GAN: variants seen among roughly 807,000 people sequenced by gnomAD.
The protein encoded by GAN is gigaxonin, also known as epididymis secretory sperm binding protein.
GAN carries 48 observed loss-of-function variants against 71.3 expected under a neutral mutation model. That is an observed-to-expected ratio of 0.67 (90% confidence interval 0.53 to 0.86). GAN has a LOEUF of 0.86. GAN is among the 40% of genes least tolerant of loss of function. GAN has a pLI of 0.00. For synonymous variants in GAN, 386 were observed against 276.8 expected, an observed-to-expected ratio of 1.39 and a Z score of -3.92; for missense variants, 928 against 770.1, an observed-to-expected ratio of 1.21 and a Z score of -2.43.
chr16:81,346,969 G>A (rs1016547750), intron 1 of GAN, among the ~76,000 whole-genome samples: 1 of 152,192 alleles, frequency 6.6e-6, no homozygotes, highest in Non-Finnish European at 1.5e-5. Flanking sequence ...AAGCAAAAAA[G>A]GGTGAATTTG....
At chr16:81,340,858 A>G (rs1254049734) in intron 1 of GAN, among the ~76,000 whole-genome samples, 1 of 152,106 alleles carries the variant, frequency 6.6e-6, no homozygotes, top group African/African-American at 2.4e-5. Context: ...CTAAAGGAGC[A>G]TGTTTTAACC....
At chr16:81,352,376 C>T (rs79955777) in intron 2 of GAN, among the ~76,000 whole-genome samples, 3 of 152,280 alleles carry the variant, frequency 2.0e-5, no homozygotes, top group African/African-American at 4.8e-5. Flanking sequence ...TTCCCCATGA[C>T]GTGATTTCAA....
intron 2 of GAN, among the ~76,000 whole-genome samples, chr16:81,353,830 AAGT>A (rs1203670823): frequency 1.3e-5 from 2 of 152,288 alleles, no homozygotes; most frequent in African/African-American, 4.8e-5. Context: ...TTATTCCAAA[AAGT>A]AGTTTTGAGA....
At chr16:81,328,293 A>G (rs1191579462) in intron 1 of GAN, among the ~76,000 whole-genome samples, 2 of 152,212 alleles carry the variant, frequency 1.3e-5, no homozygotes, top group Non-Finnish European at 2.9e-5. Context: ...TTTACCTGTT[A>G]TTTACAGTTC....
At chr16:81,345,254 T>C (rs1400084746) in intron 1 of GAN, among the ~76,000 whole-genome samples, 1 of 152,202 alleles carries the variant, frequency 6.6e-6, no homozygotes, top group Non-Finnish European at 1.5e-5. Flanking sequence ...TTACTGGGCG[T>C]ATACCCAAAG....
chr16:81,339,078 G>A lies in GAN; in HGVS notation c.168-12505G>A, dbSNP rs148590179. 1.3e-3 allele frequency among the ~76,000 whole-genome samples: 202 copies of A among 152,214 alleles called. 1 individual carries two copies. The highest frequency in any genetic ancestry group is 4.7e-3 in the African/African-American group (197 of 41,526). ...ATTATATTTTACAAAATATTCATCT[G>A]GGATTAATTGGAAATACAAAAAACA... On this transcript the variant is annotated intron_variant, in intron 1 of 10. Transcript: ENST00000648994.
At chr16:81,348,178 T>C (rs1371135328) in intron 1 of GAN, among the ~76,000 whole-genome samples, 1 of 152,178 alleles carries the variant, frequency 6.6e-6, no homozygotes, top group Non-Finnish European at 1.5e-5. Flanking sequence ...TGTTCTCTTT[T>C]CTAGGAGATT....
At chr16:81,341,385 G>A (rs1257049312) in intron 1 of GAN, among the ~76,000 whole-genome samples, 1 of 152,220 alleles carries the variant, frequency 6.6e-6, no homozygotes, top group African/African-American at 2.4e-5. Flanking sequence ...GGCAGCCAGA[G>A]AGAAAGGTCG....
At chr16:81,340,757 G>A (rs1404558555) in intron 1 of GAN, among the ~76,000 whole-genome samples, 1 of 149,714 alleles carries the variant, frequency 6.7e-6, no homozygotes, top group Non-Finnish European at 1.5e-5. Flanking sequence ...ACAACTCCTT[G>A]CCAGCAAGGG....
chr16:81,355,074 C>G (rs1045763760), intron 3 of GAN, among the ~76,000 whole-genome samples: 7 of 152,210 alleles, frequency 4.6e-5, no homozygotes. Flanking sequence ...CACCCTTGCT[C>G]TCAGCATCCT....
In GAN at chr16:81,374,536, T is replaced by C. The variant is rs557020658; in HGVS notation, c.1503-2683T>C. Among the ~76,000 whole-genome samples, 6 of 152,362 alleles carry C rather than the reference T, an allele frequency of 3.9e-5. No individual in the cohort carries two copies. The South Asian group carries it at 1.2e-3, about 32-fold the overall frequency. ...TCGGTAAAGGAAACCTGTCCCTTTT[T>C]CCTGTTAATGTTTTCCAATTATTTA... is the stretch of plus-strand genomic sequence containing the variant. On this transcript the variant is annotated intron_variant, in intron 9 of 10. Coordinates refer to ENST00000648994, the MANE Select transcript of GAN (RefSeq NM_022041.4).
chr16:81,317,889 A>G (rs746961237), intron 1 of GAN, among the ~76,000 whole-genome samples: 11 of 151,340 alleles, frequency 7.3e-5, no homozygotes, highest in Non-Finnish European at 1.2e-4. Flanking sequence ...TGTTTTGTGG[A>G]TAAACATGAA....
intron 1 of GAN, among the ~76,000 whole-genome samples, chr16:81,335,568 G>A (rs1299066635): frequency 6.6e-6 from 1 of 152,024 alleles, no homozygotes. Context: ...CCAATGTGGT[G>A]AAACCCCATC....
intron 5 of GAN, among the ~76,000 whole-genome samples, chr16:81,360,311 G>A (rs558384018): frequency 9.2e-5 from 14 of 152,158 alleles, no homozygotes; most frequent in African/African-American, 2.4e-4. Context: ...GTCTTCATTC[G>A]TAAAGGATAT....
At chr16:81,356,163 A>AT (rs1393859848) in intron 3 of GAN, among the ~76,000 whole-genome samples, 1 of 152,228 alleles carries the variant, frequency 6.6e-6, no homozygotes, top group Non-Finnish European at 1.5e-5. Context: ...AAGACAGTTG[A>AT]TTTTTAAAAC....
In GAN at chr16:81,365,101, AAGAG is replaced by A. The variant is rs1297557436; in HGVS notation, c.1367_1370del (p.Glu456GlyfsTer32). 6.2e-7 allele frequency: 1 copy of A among 1,613,808 alleles called. No homozygotes were observed. The highest frequency in any genetic ancestry group is 8.5e-7 in the Non-Finnish European group (1 of 1,179,930). Reference sequence around the variant, plus strand: ...CAGTGGACTGCCATATGTCCACTAAAAGAGAGGAGGTACGTGGCTGTGGGGTGGA... The same window carrying A: ...CAGTGGACTGCCATATGTCCACTAAAAGGAGGTACGTGGCTGTGGGGTGGA... On this transcript the variant is annotated frameshift_variant, in exon 8 of 11. Transcript: ENST00000648994. LOFTEE classifies it high-confidence loss of function.
At chr16:81,322,393 G>A (rs1909250537) in intron 1 of GAN, among the ~76,000 whole-genome samples, 1 of 152,188 alleles carries the variant, frequency 6.6e-6, no homozygotes, top group Admixed American at 6.5e-5. Context: ...AACTGGCAAG[G>A]CCTTTGCCCT....
intron 1 of GAN, among the ~76,000 whole-genome samples, chr16:81,329,280 G>C (rs1285344075): frequency 6.6e-6 from 1 of 151,780 alleles, no homozygotes; most frequent in South Asian, 2.1e-4. Flanking sequence ...TTGAACAAAC[G>C]CATCTGTTAA....
chr16:81,382,481 G>GT lies in GAN; in HGVS notation c.*4892dup, dbSNP rs994124011. 4 of 152,036 alleles carry GT rather than the reference G, an allele frequency of 2.6e-5. No individual in the cohort carries two copies. The highest frequency in any genetic ancestry group is 7.2e-5 in the African/African-American group (3 of 41,424). 9.4% of individuals were successfully genotyped at this position (152,036 alleles called of 1,614,324 possible). ...AGAAAGTTTCTTTGAAAGAGAAACT[G>GT]TTTTTTTATTTCAAAGAGCTTCATG... On this transcript the variant is annotated 3_prime_UTR_variant, in exon 11 of 11. Transcript: ENST00000648994.
Sources: allele counts gnomAD v4.1 joint callset (sites outside exome capture counted in the v4.1 genomes callset), GRCh38; gene constraint gnomAD v4.1.1; transcripts MANE v1.5; gene names NCBI Gene and HGNC (gene_info 2026-07-23, HGNC 2026-07-21).